The following OBP2B variants were observed in gnomAD, a reference collection of about 807,000 sequenced individuals.
OBP2B encodes the protein odorant binding protein 2B, also known as odorant-binding protein 2b.
Under a neutral mutation model 21.7 loss-of-function variants are expected in OBP2B, and 10 were observed. The observed-to-expected ratio is 0.46, with a 90% confidence interval of 0.28 to 0.78. The LOEUF (loss-of-function observed/expected upper bound fraction) is 0.78. OBP2B is among the 30% of genes least tolerant of loss of function. The pLI is 0.11. For missense variants in OBP2B, 153 were observed against 217.7 expected, an observed-to-expected ratio of 0.70 and a Z score of 1.87; for synonymous variants, 73 against 91.5, an observed-to-expected ratio of 0.80 and a Z score of 1.16.
At chr9:133,210,120 T>A (rs781939062), upstream of OBP2B, among the ~76,000 whole-genome samples, 1 of 151,898 alleles carries the variant, frequency 6.6e-6, no homozygotes, top group African/African-American at 2.4e-5. Context: ...GTGCTCAGAG[T>A]TCGTGGCTGA....
chr9:133,214,392 C>T, the OBP2B span, among the ~76,000 whole-genome samples: 1 of 152,238 alleles, frequency 6.6e-6, no homozygotes, highest in African/African-American at 2.4e-5. Flanking sequence ...TGGCCAGGCC[C>T]ATGCCTTTAA....
chr9:133,223,079 A>G, the OBP2B span, among the ~76,000 whole-genome samples: 2 of 152,184 alleles, frequency 1.3e-5, no homozygotes, highest in African/African-American at 4.8e-5. This position sits in a 1 kb window ranked among gnomAD's most constrained non-coding sequence, Gnocchi z 4.4. Context: ...GACGTATCCA[A>G]AATGCCGTAT....
At position 133,206,367 on chromosome 9, in the gene OBP2B, C is replaced by G. The variant is rs116598446; in HGVS notation, c.438G>C (p.Leu146Phe). 1.0e-3 allele frequency: 1,637 copies of G among 1,614,084 alleles called. 13 individuals are homozygous for G. The African/African-American group carries it at 0.018, about 17-fold the overall frequency. ...CCTCCGAGAGTCCCTTGCGCTGCAC[C>G]AATTTCTTAAATTCTTCCAGGGCCT... ...NREALEEFKK[L>F]VQRKGLSEED... Residue 146 changes from leucine to phenylalanine, a missense_variant, in exon 5 of 7, where the codon TTG becomes TTC. Physicochemically the swap from Leu to Phe is conservative, Grantham distance 22. Transcript: ENST00000372034.
chr9:133,206,192 C>T (rs368754670), intron 5 of OBP2B, 123 bp downstream of exon 5: 24 of 1,233,004 alleles, frequency 1.9e-5, no homozygotes, highest in Middle Eastern at 1.9e-4. Context: ...GGAGCCCCTG[C>T]GAGGAGACTC....
chr9:133,206,279 A>T, intron 5 of OBP2B, 36 bp downstream of exon 5: 1 of 1,589,326 alleles, frequency 6.3e-7, no homozygotes, highest in South Asian at 1.1e-5. Context: ...CAGACACAGC[A>T]GAGGGACACA....
the OBP2B span, among the ~76,000 whole-genome samples, chr9:133,217,107 T>G: frequency 6.6e-6 from 1 of 152,274 alleles, no homozygotes; most frequent in African/African-American, 2.4e-5. Flanking sequence ...TGCCTCAAAT[T>G]TCCATCAAAA....
chr9:133,219,758 C>T, the OBP2B span, among the ~76,000 whole-genome samples: 1 of 152,344 alleles, frequency 6.6e-6, no homozygotes, highest in South Asian at 2.1e-4. Context: ...TATGACCCAG[C>T]AGTTCCACTC....
chr9:133,218,873 A>G, the OBP2B span, among the ~76,000 whole-genome samples: 1 of 152,216 alleles, frequency 6.6e-6, no homozygotes, highest in African/African-American at 2.4e-5. Context: ...AAACATGCAG[A>G]GTGGTCCTCA....
At chr9:133,209,675 G>C (rs1833869679), upstream of OBP2B, among the ~76,000 whole-genome samples, 1 of 152,124 alleles carries the variant, frequency 6.6e-6, no homozygotes, top group Non-Finnish European at 1.5e-5. This position sits in a 1 kb window ranked among gnomAD's most constrained non-coding sequence, Gnocchi z 6.0. Context: ...TAGAACCAGA[G>C]AGACGTGGGG....
At chr9:133,216,576 A>T in the OBP2B span, among the ~76,000 whole-genome samples, 2 of 152,168 alleles carry the variant, frequency 1.3e-5, no homozygotes, top group African/African-American at 4.8e-5. Flanking sequence ...TCCATGCAAA[A>T]ACCTGTACAT....
Position 133,208,194 on chromosome 9 carries a change from A to G in OBP2B, c.216T>C (p.Asp72=), listed in dbSNP as rs782236367. The G allele has an allele frequency of 6.2e-7, 1 of 1,611,796 alleles. No individual in the cohort carries two copies. The highest frequency in any genetic ancestry group is 1.1e-5 in the South Asian group (1 of 90,978). Residue 72 remains aspartate (D), a synonymous_variant, in exon 3 of 7, where the codon GAT becomes GAC. Coordinates refer to ENST00000372034, the MANE Select transcript of OBP2B (RefSeq NM_014581.4). The part of the protein sequence containing the change: ...LEATFTFMRE[D]RCIQKKILMR... Reference sequence around the variant, plus strand: ...TCAGGATTTTCTTCTGGATGCACCTATCCTCCCTCCTGGAAAACAGGAGAC... The same window carrying G: ...TCAGGATTTTCTTCTGGATGCACCTGTCCTCCCTCCTGGAAAACAGGAGAC...
chr9:133,219,897 TAA>T, the OBP2B span, among the ~76,000 whole-genome samples: 1 of 152,124 alleles, frequency 6.6e-6, no homozygotes, highest in East Asian at 1.9e-4. Context: ...GATGAATGGA[TAA>T]AAAAGGTGGT....
upstream of OBP2B, chr9:133,209,256 T>G: frequency 1.4e-6 from 2 of 1,439,364 alleles, no homozygotes; most frequent in Non-Finnish European, 9.6e-7. The surrounding 1 kb of genome is among the most constrained non-coding windows in gnomAD (Gnocchi z 6.0). Flanking sequence ...AACAAGGCTG[T>G]GCTGGCTCCT....
At chr9:133,207,587 G>A (rs1447819839) in intron 3 of OBP2B, among the ~76,000 whole-genome samples, 5 of 152,104 alleles carry the variant, frequency 3.3e-5, no homozygotes, top group African/African-American at 1.2e-4. Context: ...TCCAGCAGCT[G>A]CTCCTGCCCC....
At chr9:133,222,890 CTG>C in the OBP2B span, among the ~76,000 whole-genome samples, 1 of 151,796 alleles carries the variant, frequency 6.6e-6, no homozygotes, top group East Asian at 1.9e-4. Context: ...GACCAGCACT[CTG>C]TAACTCTTCA....
upstream of OBP2B, among the ~76,000 whole-genome samples, chr9:133,214,214 T>C (rs1487068910): frequency 2.0e-5 from 3 of 152,212 alleles, no homozygotes; most frequent in Non-Finnish European, 2.9e-5. Flanking sequence ...CCTCCTTAAC[T>C]TGACAAAGAG....
chr9:133,206,450 G>C (rs1444359658), intron 4 of OBP2B, 34 bp from the exon 5 acceptor site: 2 of 1,610,354 alleles, frequency 1.2e-6, no homozygotes, highest in East Asian at 4.5e-5. Context: ...GCCGACGTGG[G>C]GACAGCGGCA....
chr9:133,206,081 C>T (rs1193625977), intron 5 of OBP2B, 141 bp from the exon 6 acceptor site: 20 of 864,818 alleles, frequency 2.3e-5, no homozygotes, highest in African/African-American at 9.8e-5. Flanking sequence ...GCCCAGAGCG[C>T]GGAGCCCCAG....
upstream of OBP2B, among the ~76,000 whole-genome samples, chr9:133,213,241 AAAAC>A (rs1201132354): frequency 6.6e-6 from 1 of 152,182 alleles, no homozygotes; most frequent in African/African-American, 2.4e-5. Flanking sequence ...CTCTACCTCA[AAAAC>A]AAACAAACAA....
Sources: gnomAD v4.1 joint callset for allele counts (sites outside exome capture counted in the v4.1 genomes callset) on GRCh38, gnomAD v4.1.1 for gene constraint, Gnocchi (gnomAD v3.1) non-coding constraint, MANE v1.5 for transcripts, NCBI Gene and HGNC (gene_info 2026-07-23, HGNC 2026-07-21) for gene names.